RHOT2: variants seen among roughly 807,000 people sequenced by gnomAD.
RHOT2 encodes the protein mitochondrial Rho GTPase 2.
RHOT2 carries 90 observed loss-of-function variants against 81.6 expected under a neutral mutation model. That is an observed-to-expected ratio of 1.10 (90% CI 0.93 to 1.31). The LOEUF (loss-of-function observed/expected upper bound fraction) is 1.31. RHOT2 is among the 40% of genes most tolerant of loss of function. The pLI is 0.00. For missense variants in RHOT2, 1,014 were observed against 841.9 expected (o/e 1.20, Z -2.53); for synonymous variants, 512 against 370.9 (o/e 1.38, Z -4.37).
chr16:668,715 G>C lies in RHOT2; in HGVS notation c.222+16G>C, dbSNP rs2038363200. Reference sequence around the variant, plus strand: ...GATCCACAAGGTACCCGTGGTGCGCGGGACGAGGGAGGGGCTGGGCGCGGG... The same window carrying C: ...GATCCACAAGGTACCCGTGGTGCGCCGGACGAGGGAGGGGCTGGGCGCGGG... On this transcript the variant is annotated intron_variant, in intron 4 of 18. Coordinates refer to ENST00000315082, the MANE Select transcript of RHOT2 (RefSeq NM_138769.3). The C allele has an allele frequency of 3.8e-6, 6 of 1,584,664 alleles. 1 individual carries two copies. The South Asian group carries it at 4.6e-5, about 12-fold the overall frequency.
chr16:672,441 T>G, intron 15 of RHOT2, 48 bp from the exon 16 acceptor site: 1 of 1,610,142 alleles, frequency 6.2e-7, no homozygotes, highest in Non-Finnish European at 8.5e-7. Context: ...GGCAGGGCAA[T>G]CTGGGGGGCA....
Position 668,378 on chromosome 16 carries a change from C to A in RHOT2, c.63C>A (p.Ile21=). 6.9e-7 allele frequency: 1 copy of A among 1,452,696 alleles called. No individual in the cohort carries two copies. Among genetic ancestry groups the A allele is most frequent in the South Asian group, 1.4e-5 (1 of 70,316 alleles). The allele number at this position is 1,452,696 out of a possible 1,614,324, so 90.0% of individuals were successfully genotyped here. ...GEAQVGKTSL[I]LSLVGEEFPE... ...CCCAGGTGGGGAAGACGTCGCTGATCCTGTCCCTGGTGGGCGAGGAGTTCC... is the reference window on the plus strand; with the variant it reads ...CCCAGGTGGGGAAGACGTCGCTGATACTGTCCCTGGTGGGCGAGGAGTTCC... The change falls in exon 2 of 19, where the codon ATC becomes ATA. Residue 21 remains isoleucine (I), a synonymous_variant. Transcript: ENST00000315082.
chr16:669,579 C>T lies in RHOT2; in HGVS notation c.249C>T (p.Asp83=), dbSNP rs760281499. 1.2e-5 allele frequency: 19 copies of T among 1,611,988 alleles called. No individual in the cohort carries two copies. The Middle Eastern group carries it at 4.9e-4, about 42-fold the overall frequency. Residue 83 remains aspartate, a synonymous_variant, in exon 5 of 19, where the codon GAC becomes GAT. Transcript: ENST00000315082. ...CAAACGTGGTGTGTGTGGTGTATGA[C>T]GTCTCTGAGGAGGCCACCATTGAGA... ...HKANVVCVVY[D]VSEEATIEKI...
Position 672,500 on chromosome 16 carries a change from G to A in RHOT2, c.1338G>A (p.Thr446=), listed in dbSNP as rs144844382. 9.5e-5 allele frequency: 153 copies of A among 1,612,490 alleles called. No homozygotes were observed. Among genetic ancestry groups the A allele is most frequent in the South Asian group, 1.3e-4 (12 of 91,092 alleles). ...TTCACCTCCCTCAGCACCAGGACAC[G>A]AGGGAGCAGCCTCCCGGCTACGCCA... ...FLGRGLGHQD[T]REQPPGYAID... Residue 446 remains threonine, a synonymous_variant, in exon 16 of 19, where the codon ACG becomes ACA. Transcript: ENST00000315082.
intron 10 of RHOT2, 25 bp from the exon 11 acceptor site, chr16:671,058 C>G: frequency 6.2e-7 from 1 of 1,608,650 alleles, no homozygotes; most frequent in Non-Finnish European, 8.5e-7. Context: ...GTGCCTGGTG[C>G]TCCCCCTGCT....
chr16:668,962 T>C (rs2151442498), intron 4 of RHOT2: 3 of 526,692 alleles, frequency 5.7e-6, no homozygotes, highest in Non-Finnish European at 9.9e-6. Flanking sequence ...GCGTTTGCTC[T>C]TCCTGTGGGC....
rs753379125 is a variant in RHOT2 at position 671,877 on chromosome 16, C to T, written c.972C>T (p.Leu324=). ...EKHDQDRDGA[L]SPVELQSLFS... ...TTCTGCAGGACCGCGACGGCGCCCT[C>T]TCGCCCGTGGAGCTGCAAAGCCTTT... is the stretch of plus-strand genomic sequence containing the variant. The change falls in exon 13 of 19, where the codon CTC becomes CTT. Residue 324 remains leucine (L), a synonymous_variant. Coordinates refer to ENST00000315082, the MANE Select transcript of RHOT2 (RefSeq NM_138769.3). 1 of 1,611,542 alleles carries T rather than the reference C, an allele frequency of 6.2e-7. No homozygotes were observed. Among genetic ancestry groups the T allele is most frequent in the South Asian group, 1.1e-5 (1 of 91,032 alleles).
In RHOT2 at chr16:672,251, C is replaced by T. The variant is rs1233539397; in HGVS notation, c.1196-3C>T. 5 of 1,611,284 alleles carry T rather than the reference C, an allele frequency of 3.1e-6. No individual in the cohort carries two copies. The African/African-American group carries it at 4.0e-5, about 13-fold the overall frequency. The stretch of plus-strand genomic sequence containing the variant: ...CTGCCCTAACCCGTGTCTATCCTCA[C>T]AGTCACTCGTGAGAAGAGGCTGGAC... On this transcript the variant is annotated splice_polypyrimidine_tract_variant and splice_region_variant and intron_variant, in intron 14 of 18. Coordinates refer to ENST00000315082, the MANE Select transcript of RHOT2 (RefSeq NM_138769.3).
chr16:669,004 T>C (rs565678633), intron 4 of RHOT2: 71 of 482,806 alleles, frequency 1.5e-4, no homozygotes, highest in Non-Finnish European at 2.5e-4. Context: ...TGCTGTGTGC[T>C]CCAGCCCACC....
chr16:668,478 T>G lies in RHOT2; in HGVS notation c.97-10T>G. 2 of 1,598,038 alleles carry G rather than the reference T, an allele frequency of 1.3e-6. No individual in the cohort carries two copies. The highest frequency in any genetic ancestry group is 1.7e-6 in the Non-Finnish European group (2 of 1,173,836). On this transcript the variant is annotated splice_polypyrimidine_tract_variant and intron_variant, in intron 2 of 18. Coordinates refer to ENST00000315082, the MANE Select transcript of RHOT2 (RefSeq NM_138769.3). ...CGGGGGTCCCTGGTGAGCGCGCGGG[T>G]CCCTTGCAGGTCCCTCCCCGCGCGG... is the stretch of plus-strand genomic sequence containing the variant.
At position 670,320 on chromosome 16, in the gene RHOT2, T is replaced by G. The variant is rs752241432; in HGVS notation, c.401T>G (p.Ile134Ser). 6.2e-7 allele frequency: 1 copy of G among 1,612,840 alleles called. No homozygotes were observed. Among genetic ancestry groups the G allele is most frequent in the Admixed American group, 1.7e-5 (1 of 60,026 alleles). Residue 134 changes from isoleucine to serine, a missense_variant, in exon 7 of 19, where the codon ATC becomes AGC. Transcript: ENST00000315082. Reference sequence around the variant, plus strand: ...AGCTCCATGGAGGCCGTGCTCCCCATCATGAGCCAGTTTCCCGAGATTGAG... The same window carrying G: ...AGCTCCATGGAGGCCGTGCTCCCCAGCATGAGCCAGTTTCCCGAGATTGAG... ...SGSSMEAVLP[I>S]MSQFPEIETC...
At position 670,533 on chromosome 16, in the gene RHOT2, C is replaced by T. The variant is rs144553369; in HGVS notation, c.516C>T (p.Pro172=). The change falls in exon 8 of 19, where the codon CCC becomes CCT. Residue 172 remains proline (P), a synonymous_variant. Coordinates refer to ENST00000315082, the MANE Select transcript of RHOT2 (RefSeq NM_138769.3). ...AGGCCGTCCTGCATCCCACAGCCCC[C>T]CTCTATGACCCTGAGGCCAAGCAGG... ...AQKAVLHPTA[P]LYDPEAKQLR... is the part of the protein sequence containing the mutation. The T allele has an allele frequency of 6.2e-7, 1 of 1,607,184 alleles. No homozygotes were observed. Among genetic ancestry groups the T allele is most frequent in the Non-Finnish European group, 8.5e-7 (1 of 1,177,058 alleles).
chr16:671,310 C>T, intron 11 of RHOT2, 107 bp downstream of exon 11: 2 of 1,425,232 alleles, frequency 1.4e-6, no homozygotes, highest in Non-Finnish European at 1.9e-6. Context: ...CCTGCCCTCC[C>T]TGAGGGTCAG....
intron 11 of RHOT2, 41 bp from the exon 12 acceptor site, chr16:671,656 A>G: frequency 6.3e-7 from 1 of 1,588,432 alleles, no homozygotes; most frequent in Non-Finnish European, 8.6e-7. Context: ...GTGGTGCTGC[A>G]GAGTCTCCTG....
Position 669,534 on chromosome 16 carries a change from C to G in RHOT2, c.223-19C>G, listed in dbSNP as rs1048184143. On this transcript the variant is annotated intron_variant, in intron 4 of 18. Transcript: ENST00000315082. The stretch of plus-strand genomic sequence containing the variant: ...GAGCCAGCAGCCCTGTCACCCACAC[C>G]TCATCACTGTTCCCTCAGGCAAACG... 1 of 1,610,816 alleles carries G rather than the reference C, an allele frequency of 6.2e-7. No individual in the cohort carries two copies. The highest frequency in any genetic ancestry group is 8.5e-7 in the Non-Finnish European group (1 of 1,179,502).
rs1480352815 is a variant in RHOT2, at chr16:671,116, G to A, written c.782G>A (p.Arg261His). 9 of 1,608,564 alleles carry A rather than the reference G, an allele frequency of 5.6e-6. No homozygotes were observed. Among genetic ancestry groups the A allele is most frequent in the South Asian group, 4.4e-5 (4 of 91,038 alleles). Residue 261 changes from arginine to histidine, a missense_variant, in exon 11 of 19, where the codon CGC becomes CAC. Coordinates refer to ENST00000315082, the MANE Select transcript of RHOT2 (RefSeq NM_138769.3). Reference protein sequence around the residue: ...FLFLNTLFIQRGRHETTWTIL... With the variant: ...FLFLNTLFIQHGRHETTWTIL... The stretch of plus-strand genomic sequence containing the variant: ...TTCCTGAACACGCTCTTCATCCAGC[G>A]CGGCCGGCACGAGACCACCTGGACC...
chr16:672,599 G>T (rs1420084466), intron 16 of RHOT2, 33 bp downstream of exon 16: 6 of 1,611,096 alleles, frequency 3.7e-6, no homozygotes, highest in Admixed American at 1.7e-5. Flanking sequence ...CTGTGCCCGA[G>T]GGTGGACCCG....
At chr16:669,222 G>C (rs185974379) in intron 4 of RHOT2, 1 of 464,828 alleles carries the variant, frequency 2.2e-6, no homozygotes, top group Non-Finnish European at 3.9e-6. Flanking sequence ...AGGTGTGGCC[G>C]TGTCTGTCCT....
chr16:673,105 C>T lies in RHOT2; in HGVS notation c.1705C>T (p.Gln569Ter). Reference sequence around the variant, plus strand: ...CGAGCCCAGCACCACCATCTTCACCCAGCTCGCCACCATGGCCGCCTTCCC... The same window carrying T: ...CGAGCCCAGCACCACCATCTTCACCTAGCTCGCCACCATGGCCGCCTTCCC... ...PAEPSTTIFT[Q>*]LATMAAFPHL... The change falls in exon 18 of 19, where the codon CAG becomes TAG. Residue 569 changes from glutamine to a stop codon, truncating the protein, a stop_gained. Coordinates refer to ENST00000315082, the MANE Select transcript of RHOT2 (RefSeq NM_138769.3). LOFTEE classifies it high-confidence loss of function. 2 of 1,611,484 alleles carry T rather than the reference C, an allele frequency of 1.2e-6. No homozygotes were observed. The highest frequency in any genetic ancestry group is 1.1e-5 in the South Asian group (1 of 91,078).
Sources: gnomAD v4.1 joint callset for allele counts on GRCh38, gnomAD v4.1.1 for gene constraint, MANE v1.5 for transcripts, NCBI Gene and HGNC (gene_info 2026-07-23, HGNC 2026-07-21) for gene names.